The following OTUD7A variants were observed in gnomAD, a reference collection of about 807,000 sequenced individuals.
OTUD7A encodes the protein OTU deubiquitinase 7A.
Under a neutral mutation model 65.7 loss-of-function variants are expected in OTUD7A, and 12 were observed. The ratio of observed to expected loss-of-function variants is 0.18; its 90% confidence interval spans 0.12 to 0.30. The LOEUF (loss-of-function observed/expected upper bound fraction) is 0.30, where lower values mean the gene tolerates loss of function less well. Among genes scored for constraint, OTUD7A ranks in the 10% least tolerant of loss-of-function variants. The pLI, the probability that OTUD7A is intolerant of heterozygous loss-of-function variation, is 1.00. For missense variants in OTUD7A, 1,148 were observed against 1,304.8 expected (o/e 0.88, Z 1.85); for synonymous variants, 641 against 586.3 (o/e 1.09, Z -1.35).
At chr15:31,675,842 C>G (rs1480902730) in intron 1 of OTUD7A, among the ~76,000 whole-genome samples, 1 of 152,148 alleles carries the variant, frequency 6.6e-6, no homozygotes, top group South Asian at 2.1e-4. Flanking sequence ...AAGAAGGAAA[C>G]CTTTATTTTT....
At chr15:31,868,380 A>G (rs1356970818) in intron 1 of OTUD7A, among the ~76,000 whole-genome samples, 1 of 152,230 alleles carries the variant, frequency 6.6e-6, no homozygotes, top group African/African-American at 2.4e-5. Context: ...CTACAGGTGA[A>G]AACAAAAAGA....
chr15:31,621,398 G>C (rs903353842), intron 3 of OTUD7A, among the ~76,000 whole-genome samples: 1 of 152,150 alleles, frequency 6.6e-6, no homozygotes, highest in Non-Finnish European at 1.5e-5. Flanking sequence ...TTGTGTGGGA[G>C]TCTAAGTCTC....
chr15:31,821,337 G>A (rs1316587819), intron 1 of OTUD7A, among the ~76,000 whole-genome samples: 4 of 144,088 alleles, frequency 2.8e-5, no homozygotes, highest in South Asian at 4.5e-4. Context: ...GTAGAGATGC[G>A]GTTTCACCAT....
At chr15:31,613,508 A>G (rs552501114) in intron 3 of OTUD7A, among the ~76,000 whole-genome samples, 1 of 152,340 alleles carries the variant, frequency 6.6e-6, no homozygotes, top group African/African-American at 2.4e-5. Flanking sequence ...GACAATTCTC[A>G]AAAGAAGATA....
intron 1 of OTUD7A, among the ~76,000 whole-genome samples, chr15:31,798,543 AGG>A (rs1896033782): frequency 6.6e-6 from 1 of 152,204 alleles, no homozygotes; most frequent in Non-Finnish European, 1.5e-5. Context: ...AGCATCAAGG[AGG>A]GAAGTGGAGT....
chr15:31,813,401 T>C (rs764772403), intron 1 of OTUD7A, among the ~76,000 whole-genome samples: 5 of 152,236 alleles, frequency 3.3e-5, no homozygotes, highest in African/African-American at 1.2e-4. Flanking sequence ...ATTTACTGCA[T>C]GACACACCAT....
At chr15:31,534,814 A>C (rs1887743910) in intron 5 of OTUD7A, among the ~76,000 whole-genome samples, 1 of 152,178 alleles carries the variant, frequency 6.6e-6, no homozygotes, top group Middle Eastern at 3.2e-3. Flanking sequence ...GTGTATACTG[A>C]AGTCTGATAG....
intron 1 of OTUD7A, among the ~76,000 whole-genome samples, chr15:31,842,365 C>A (rs1897204092): frequency 6.6e-6 from 1 of 152,198 alleles, no homozygotes; most frequent in South Asian, 2.1e-4. Context: ...GATTCTACTG[C>A]CATAAAAAGT....
rs1453952125 is a variant in OTUD7A, at chr15:31,537,435, T to C, written c.551-6627A>G. On this transcript the variant is annotated intron_variant, in intron 5 of 12. Transcript: ENST00000307050. ...AGATGTTAATGCTTACACTAACAAA[T>C]TGGTATATTCTTACCACCTACAAGT... 2.6e-5 allele frequency among the ~76,000 whole-genome samples: 4 copies of C among 152,206 alleles called. No individual in the cohort carries two copies. In the East Asian group the frequency reaches 7.7e-4, roughly 29 times the overall value.
At chr15:31,553,475 C>T (rs573913801) in intron 5 of OTUD7A, among the ~76,000 whole-genome samples, 1 of 152,200 alleles carries the variant, frequency 6.6e-6, no homozygotes, top group Admixed American at 6.5e-5. Context: ...GCATCCCCAA[C>T]GCAGGGCTCT....
At chr15:31,623,969 A>C (rs1890879079) in intron 3 of OTUD7A, among the ~76,000 whole-genome samples, 1 of 152,254 alleles carries the variant, frequency 6.6e-6, no homozygotes, top group Admixed American at 6.5e-5. Flanking sequence ...GAATTCATTA[A>C]GTTGTACAGT....
intron 1 of OTUD7A, among the ~76,000 whole-genome samples, chr15:31,753,830 C>T (rs1209402552): frequency 1.3e-5 from 2 of 150,696 alleles, no homozygotes; most frequent in Admixed American, 6.6e-5. Flanking sequence ...TATAAACACA[C>T]ATGTGCAGTT....
At chr15:31,828,082 T>A (rs912783810) in intron 1 of OTUD7A, among the ~76,000 whole-genome samples, 6 of 152,192 alleles carry the variant, frequency 3.9e-5, no homozygotes, top group African/African-American at 7.2e-5. Flanking sequence ...TTTGGTTTTT[T>A]CTTTTCCACT....
chr15:31,796,039 C>G (rs529878916), intron 1 of OTUD7A, among the ~76,000 whole-genome samples: 2 of 152,186 alleles, frequency 1.3e-5, no homozygotes, highest in South Asian at 4.1e-4. Flanking sequence ...TGGAGAGATG[C>G]ACTAGAAGCA....
intron 1 of OTUD7A, among the ~76,000 whole-genome samples, chr15:31,671,461 C>T (rs1307876884): frequency 6.6e-6 from 1 of 152,180 alleles, no homozygotes; most frequent in Non-Finnish European, 1.5e-5. Flanking sequence ...GTTTTGGTTT[C>T]TGTAGCCTTG....
intron 1 of OTUD7A, among the ~76,000 whole-genome samples, chr15:31,778,512 T>G (rs752482701): frequency 3.9e-5 from 6 of 152,204 alleles, no homozygotes; most frequent in Non-Finnish European, 8.8e-5. Context: ...CTACATACAA[T>G]GCACACAGTG....
Position 31,758,270 on chromosome 15 carries a change from CACAA to C in OTUD7A, c.-99-101197_-99-101194del, listed in dbSNP as rs1271372351. 2.6e-5 allele frequency among the ~76,000 whole-genome samples: 4 copies of C among 152,264 alleles called. No homozygotes were observed. In the South Asian group the frequency reaches 6.2e-4, roughly 24 times the overall value. ...ACACACACACACACAAAATCAAACA[CACAA>C]ACAAGCAAAACAGGAAACAATAGTG... On this transcript the variant is annotated intron_variant, in intron 1 of 12. Coordinates refer to ENST00000307050, the MANE Select transcript of OTUD7A (RefSeq NM_001382637.1).
rs1331186334 is a variant in OTUD7A, at chr15:31,634,721, C to A, written c.151+20375G>T. Among the ~76,000 whole-genome samples the A allele has an allele frequency of 2.6e-5, 4 of 152,262 alleles. No individual in the cohort carries two copies. The South Asian group carries it at 8.3e-4, about 32-fold the overall frequency. On this transcript the variant is annotated intron_variant, in intron 3 of 12. Coordinates refer to ENST00000307050, the MANE Select transcript of OTUD7A (RefSeq NM_001382637.1). ...TGAGTGCCGATGACAGCGATGGAGTCCCGTTCCCCTGTGCTTCACAGAGCA... is the reference window on the plus strand; with the variant it reads ...TGAGTGCCGATGACAGCGATGGAGTACCGTTCCCCTGTGCTTCACAGAGCA...
At chr15:31,609,840 T>C (rs1890346958) in intron 3 of OTUD7A, among the ~76,000 whole-genome samples, 1 of 151,756 alleles carries the variant, frequency 6.6e-6, no homozygotes, top group Admixed American at 6.6e-5. Flanking sequence ...CCACCTCCAC[T>C]GGAACAGGTG....
Sources: allele counts gnomAD v4.1 joint callset (sites outside exome capture counted in the v4.1 genomes callset), GRCh38; gene constraint gnomAD v4.1.1; transcripts MANE v1.5; gene names NCBI Gene and HGNC (gene_info 2026-07-23, HGNC 2026-07-21).